KIF26B: variants seen among roughly 807,000 people sequenced by gnomAD.
The protein encoded by KIF26B is kinesin family member 26B, also known as kinesin-like protein KIF26B.
KIF26B carries 63 observed loss-of-function variants against 151.2 expected under a neutral mutation model. The observed-to-expected ratio is 0.42, with a 90% CI of 0.34 to 0.51. KIF26B has a LOEUF of 0.51. Ranked by LOEUF, KIF26B falls within the 20% of genes least tolerant of loss-of-function variation. The probability of loss-of-function intolerance (pLI) is 0.07; values close to 1 mark genes in which losing one functional copy is unlikely to be tolerated. For missense variants in KIF26B, 2,813 were observed against 2,913.6 expected (o/e 0.97, Z 0.79); for synonymous variants, 1,357 against 1,262.1 (o/e 1.08, Z -1.59).
chr1:245,323,376 A>G (rs1434432335), intron 2 of KIF26B, among the ~76,000 whole-genome samples: 1 of 152,224 alleles, frequency 6.6e-6, no homozygotes, highest in Non-Finnish European at 1.5e-5. Flanking sequence ...ACAATTACCA[A>G]GTTTCTGAAA....
In KIF26B at chr1:245,612,105, T is replaced by TGTGAGAGAGAGA. The variant is rs764505406; in HGVS notation, c.2098+130_2098+131insTGAGAGAGAGAG. On this transcript the variant is annotated intron_variant, in intron 9 of 14. Transcript: ENST00000407071. ...GTGTGTGTGTGTGTGTGTGTGTGTG[T>TGTGAGAGAGAGA]GAGAGAGAGAGAGAGAGAGAGAGAG... 2.6e-5 allele frequency: 8 copies of TGTGAGAGAGAGA among 312,738 alleles called. No individual in the cohort carries two copies. In the South Asian group the frequency reaches 3.6e-4, roughly 14 times the overall value. The allele number at this position is 312,738 out of a possible 1,614,324, so 19.4% of individuals were successfully genotyped here.
At chr1:245,263,874 T>G (rs1389720886) in intron 2 of KIF26B, among the ~76,000 whole-genome samples, 1 of 152,198 alleles carries the variant, frequency 6.6e-6, no homozygotes, top group Non-Finnish European at 1.5e-5. Flanking sequence ...AACCGGTTCT[T>G]TTGTCATCTT....
intron 14 of KIF26B, among the ~76,000 whole-genome samples, chr1:245,700,923 TTCAG>T (rs1168878529): frequency 1.3e-5 from 2 of 152,228 alleles, no homozygotes; most frequent in African/African-American, 4.8e-5. Flanking sequence ...GGGGCCTCCT[TTCAG>T]TCAGTCAGTT....
At chr1:245,621,199 A>C (rs1454468229) in intron 9 of KIF26B, among the ~76,000 whole-genome samples, 20 of 152,188 alleles carry the variant, frequency 1.3e-4, no homozygotes. Context: ...GTTTGGGAGG[A>C]ACTACGACGG....
rs376804048 is a variant in KIF26B at position 245,611,903 on chromosome 1, C to T, written c.2025C>T (p.Asp675=). ...ACCAACAGGACTGTGATGAGGACGA[C>T]CACCGCAACTCACACGTGTTCTTCA... ...RSHQQDCDED[D]HRNSHVFFTL... is the part of the protein sequence containing the mutation. Residue 675 remains aspartate (D), a synonymous_variant, in exon 9 of 15, where the codon GAC becomes GAT. Transcript: ENST00000407071. 18 of 1,613,838 alleles carry T rather than the reference C, an allele frequency of 1.1e-5. No homozygotes were observed. In the African/African-American group the frequency reaches 2.4e-4, roughly 22 times the overall value.
At chr1:245,527,527 T>TTTTTTTTTTTC in intron 4 of KIF26B, among the ~76,000 whole-genome samples, 1 of 98,350 alleles carries the variant, frequency 1.0e-5, no homozygotes, top group Non-Finnish European at 2.0e-5. Flanking sequence ...GGGATGGCTT[T>TTTTTTTTTTTC]TTTTTTTTTT....
intron 4 of KIF26B, among the ~76,000 whole-genome samples, chr1:245,534,301 T>C (rs1661441790): frequency 6.6e-6 from 1 of 152,092 alleles, no homozygotes; most frequent in South Asian, 2.1e-4. Context: ...TAGCTAGGAT[T>C]ACAGGTGTGC....
chr1:245,351,647 C>T (rs146577407), intron 2 of KIF26B, among the ~76,000 whole-genome samples: 38 of 152,240 alleles, frequency 2.5e-4, no homozygotes, highest in Non-Finnish European at 4.9e-4. Context: ...AACCAAGGCT[C>T]AAGAAGATTG....
intron 2 of KIF26B, among the ~76,000 whole-genome samples, chr1:245,334,275 C>T (rs1324954910): frequency 6.6e-6 from 1 of 152,202 alleles, no homozygotes; most frequent in Non-Finnish European, 1.5e-5. Flanking sequence ...TGGCTACTAA[C>T]TTAATTTGTG....
In KIF26B at chr1:245,233,689, T is replaced by C. The variant is rs75255945; in HGVS notation, c.465+77006T>C. 3.9e-3 allele frequency among the ~76,000 whole-genome samples: 588 copies of C among 152,312 alleles called. 17 individuals carry two copies. In the East Asian group the frequency reaches 0.085, roughly 22 times the overall value. ...ACTAACCACAGACACATATTCCAAA[T>C]CTCATGTTCTCTCTGTCATAATTTT... is the stretch of plus-strand genomic sequence containing the variant. On this transcript the variant is annotated intron_variant, in intron 2 of 14. Coordinates refer to ENST00000407071, the MANE Select transcript of KIF26B (RefSeq NM_018012.4).
intron 4 of KIF26B, among the ~76,000 whole-genome samples, chr1:245,422,691 A>G (rs1030893871): frequency 1.3e-5 from 2 of 152,142 alleles, no homozygotes; most frequent in Non-Finnish European, 2.9e-5. Context: ...ATCTGTGCTC[A>G]CCACTTTCCA....
chr1:245,532,337 C>T (rs1661387573), intron 4 of KIF26B, among the ~76,000 whole-genome samples: 1 of 150,150 alleles, frequency 6.7e-6, no homozygotes, highest in African/African-American at 2.5e-5. Flanking sequence ...GCTCTGCCTC[C>T]CGGGTTCACG....
intron 2 of KIF26B, among the ~76,000 whole-genome samples, chr1:245,290,253 C>T (rs938355650): frequency 6.6e-6 from 1 of 152,140 alleles, no homozygotes; most frequent in Non-Finnish European, 1.5e-5. Context: ...CTCATGTCTG[C>T]ATTTTCAGTA....
At position 245,512,818 on chromosome 1, in the gene KIF26B, C is replaced by T. The variant is rs1306782254; in HGVS notation, c.1167-27949C>T. Among the ~76,000 whole-genome samples the T allele has an allele frequency of 2.0e-5, 3 of 152,126 alleles. No homozygotes were observed. The highest frequency in any genetic ancestry group is 1.5e-5 in the Non-Finnish European group (1 of 68,026). On this transcript the variant is annotated intron_variant, in intron 4 of 14. Coordinates refer to ENST00000407071, the MANE Select transcript of KIF26B (RefSeq NM_018012.4). This position sits in a 1 kb window ranked among gnomAD's most constrained non-coding sequence, Gnocchi z 4.3. ...TCTTGTTTATGTGGACTCTGTTAGA[C>T]TCCTGCATCTGGAAGAGGCTTGAAG...
Position 245,687,900 on chromosome 1 carries a change from C to G in KIF26B, c.4917C>G (p.Asp1639Glu). Residue 1639 changes from aspartate (D) to glutamate (E), a missense_variant, in exon 12 of 15, where the codon GAC becomes GAG. By Grantham distance (45) the Asp-to-Glu change is conservative. Around this residue, in one of 3 missense-constraint regions of KIF26B, gnomAD observed 2,060 missense variants for 2,088.6 expected, o/e 0.99. Coordinates refer to ENST00000407071, the MANE Select transcript of KIF26B (RefSeq NM_018012.4). The surrounding 1 kb of genome is among the most constrained non-coding windows in gnomAD (Gnocchi z 4.9). ...CCGCCTTCCCGGCGGGCCTCCCAGA[C>G]GAGCCTAGCGGCAAGACGAAGGACG... ...QPAAFPAGLPDEPSGKTKDAS... is the reference protein window; with the variant it reads ...QPAAFPAGLPEEPSGKTKDAS... The G allele has an allele frequency of 6.3e-7, 1 of 1,591,220 alleles. No individual in the cohort carries two copies. Among genetic ancestry groups the G allele is most frequent in the Non-Finnish European group, 8.5e-7 (1 of 1,170,766 alleles).
At chr1:245,281,942 C>T (rs961395535) in intron 2 of KIF26B, among the ~76,000 whole-genome samples, 2 of 151,814 alleles carry the variant, frequency 1.3e-5, no homozygotes, top group Non-Finnish European at 2.9e-5. Context: ...TCTGAGGGCT[C>T]TGTTCTGTTC....
chr1:245,444,902 A>G (rs1180920834), intron 4 of KIF26B, among the ~76,000 whole-genome samples: 1 of 152,202 alleles, frequency 6.6e-6, no homozygotes, highest in Non-Finnish European at 1.5e-5. Context: ...ACGTGTAAAA[A>G]AAATTATATA....
intron 4 of KIF26B, among the ~76,000 whole-genome samples, chr1:245,458,010 C>T (rs559568616): frequency 6.6e-6 from 1 of 152,264 alleles, no homozygotes; most frequent in East Asian, 1.9e-4. Flanking sequence ...CCTGCATTTC[C>T]CCCAAGGACA....
intron 10 of KIF26B, among the ~76,000 whole-genome samples, chr1:245,668,191 C>G (rs112144720): frequency 6.6e-6 from 1 of 152,158 alleles, no homozygotes; most frequent in African/African-American, 2.4e-5. Context: ...CCACCAAGCC[C>G]GGCCCCCTAT....
Sources: gnomAD v4.1 joint callset for allele counts (sites outside exome capture counted in the v4.1 genomes callset) on GRCh38, gnomAD v4.1.1 for gene constraint, gnomAD v4.1.1 regional missense constraint, Gnocchi (gnomAD v3.1) non-coding constraint, MANE v1.5 for transcripts, NCBI Gene and HGNC (gene_info 2026-07-23, HGNC 2026-07-21) for gene names.